Variants in R3HDM2 observed in about 807,000 individuals in gnomAD.
R3HDM2 encodes the protein R3H domain containing 2, also known as R3H domain-containing protein 2.
Under a neutral mutation model 124.5 loss-of-function variants are expected in R3HDM2, and 38 were observed. The observed-to-expected ratio is 0.31, with a 90% CI of 0.24 to 0.40. The LOEUF (loss-of-function observed/expected upper bound fraction) is 0.40. Ranked by LOEUF, R3HDM2 falls within the 10% of genes least tolerant of loss-of-function variation. The pLI is 1.00. For synonymous variants in R3HDM2, 391 were observed against 448.0 expected (o/e 0.87, Z 1.61); for missense variants, 869 against 1,236.9 (o/e 0.70, Z 4.46).
chr12:57,262,989 G>A (rs1172327624), intron 19 of R3HDM2, among the ~76,000 whole-genome samples: 1 of 152,164 alleles, frequency 6.6e-6, no homozygotes, highest in Non-Finnish European at 1.5e-5. Context: ...TTCTTTTGAC[G>A]TGGGAAGCCT....
At chr12:57,402,512 T>C (rs1815847644) in intron 1 of R3HDM2, among the ~76,000 whole-genome samples, 1 of 152,082 alleles carries the variant, frequency 6.6e-6, no homozygotes, top group Admixed American at 6.5e-5. Flanking sequence ...AATTTTTATA[T>C]TTTTAGTAGA....
rs575125872 is a variant in R3HDM2, at chr12:57,305,045, C to T, written c.166-1828G>A. 2.4e-3 allele frequency among the ~76,000 whole-genome samples: 362 copies of T among 152,094 alleles called. 1 individual carries two copies. Among genetic ancestry groups the T allele is most frequent in the African/African-American group, 8.2e-3 (342 of 41,458 alleles). On this transcript the variant is annotated intron_variant, in intron 3 of 23. Transcript: ENST00000402412. Reference sequence around the variant, plus strand: ...CTAAAAAATACCAAAATTAGCCAGGCGTGGTGGTGGGCACCTGTAATCCCA... The same window carrying T: ...CTAAAAAATACCAAAATTAGCCAGGTGTGGTGGTGGGCACCTGTAATCCCA...
At chr12:57,428,943 C>T (rs978395711) in intron 1 of R3HDM2, among the ~76,000 whole-genome samples, 3 of 151,990 alleles carry the variant, frequency 2.0e-5, no homozygotes, top group Non-Finnish European at 4.4e-5. Context: ...GACGGGGTTC[C>T]ACCATGTTGG....
At chr12:57,299,026 A>T (rs779119600) in intron 6 of R3HDM2, among the ~76,000 whole-genome samples, 1 of 152,150 alleles carries the variant, frequency 6.6e-6, no homozygotes, top group Non-Finnish European at 1.5e-5. Context: ...CCCAAACCAA[A>T]ATATAAATGG....
chr12:57,410,338 A>AC (rs1566505848), intron 1 of R3HDM2, among the ~76,000 whole-genome samples: 2 of 151,710 alleles, frequency 1.3e-5, no homozygotes, highest in African/African-American at 4.8e-5. Context: ...AAAAAAAAAA[A>AC]AAAACTTCAC....
At chr12:57,430,314 G>A (rs77287500) in intron 1 of R3HDM2, among the ~76,000 whole-genome samples, 1 of 152,066 alleles carries the variant, frequency 6.6e-6, no homozygotes, top group African/African-American at 2.4e-5. Context: ...TAAGAAACCT[G>A]GACACCAGCA....
At chr12:57,393,889 T>G (rs1220599184) in intron 2 of R3HDM2, among the ~76,000 whole-genome samples, 3 of 152,306 alleles carry the variant, frequency 2.0e-5, no homozygotes, top group African/African-American at 7.2e-5. Context: ...TAAAATAATG[T>G]AAACCAAACA....
At chr12:57,403,343 T>G (rs2068218652) in intron 1 of R3HDM2, among the ~76,000 whole-genome samples, 1 of 151,268 alleles carries the variant, frequency 6.6e-6, no homozygotes, top group African/African-American at 2.4e-5. Flanking sequence ...AATACAAAAA[T>G]TAGCTGGGCG....
rs1410195681 is a variant in R3HDM2, at chr12:57,283,989, A to G, written c.1006T>C (p.Ser336Pro). ...CTGCTCCAAGGGCGTGGCTCCAGGG[A>G]TTTGAGTTCGCTGTCTGTGCTGCTC... Reference protein sequence around the residue: ...RQSSTDSELKSLEPRPWSSTD... With the variant: ...RQSSTDSELKPLEPRPWSSTD... Residue 336 changes from serine (S) to proline (P), a missense_variant, in exon 13 of 24, where the codon TCC becomes CCC. Physicochemically the swap from Ser to Pro is moderately conservative, Grantham distance 74 (BLOSUM62 -1). Coordinates refer to ENST00000402412, the MANE Select transcript of R3HDM2 (RefSeq NM_001394031.1). 2 of 1,613,928 alleles carry G rather than the reference A, an allele frequency of 1.2e-6. No individual in the cohort carries two copies. Among genetic ancestry groups the G allele is most frequent in the Admixed American group, 3.3e-5 (2 of 60,008 alleles).
chr12:57,388,577 G>A (rs2066215094), intron 2 of R3HDM2, among the ~76,000 whole-genome samples: 1 of 152,122 alleles, frequency 6.6e-6, no homozygotes, highest in African/African-American at 2.4e-5. Flanking sequence ...AGGTTGCAGT[G>A]AGCTAACTTG....
intron 2 of R3HDM2, among the ~76,000 whole-genome samples, chr12:57,349,379 C>CAAAAAAAAA (rs1161831845): frequency 2.8e-4 from 16 of 57,742 alleles, no homozygotes; most frequent in East Asian, 1.4e-3. Context: ...ACTCCGTCTC[C>CAAAAAAAAA]AAAAAAAAAA....
chr12:57,287,979 T>G (rs1353319277), intron 12 of R3HDM2, among the ~76,000 whole-genome samples: 1 of 151,718 alleles, frequency 6.6e-6, no homozygotes, highest in Admixed American at 6.6e-5. Context: ...AAGGACACAC[T>G]TTAAGTCCAT....
intron 14 of R3HDM2, among the ~76,000 whole-genome samples, chr12:57,273,959 AGTTGCTGCT>A (rs1362066085): frequency 2.0e-5 from 3 of 152,206 alleles, no homozygotes; most frequent in Non-Finnish European, 4.4e-5. Context: ...GACCTGGAAG[AGTTGCTGCT>A]GTAGCCTTGA....
chr12:57,266,301 G>T (rs1393050954), intron 19 of R3HDM2, among the ~76,000 whole-genome samples: 1 of 147,708 alleles, frequency 6.8e-6, no homozygotes, highest in Non-Finnish European at 1.5e-5. Flanking sequence ...TTACCATGTT[G>T]GCCAGGCTGG....
intron 3 of R3HDM2, among the ~76,000 whole-genome samples, chr12:57,307,624 CTCTT>C (rs1221986369): frequency 6.8e-4 from 84 of 122,766 alleles, no homozygotes; most frequent in Admixed American, 2.0e-3. Context: ...CCCAGCCATG[CTCTT>C]TTTTTTTTTT....
At position 57,387,986 on chromosome 12, in the gene R3HDM2, CAA is replaced by C. The variant is rs1219410631; in HGVS notation, c.-36+7761_-36+7762del. 5.4e-5 allele frequency among the ~76,000 whole-genome samples: 8 copies of C among 147,510 alleles called. No individual in the cohort carries two copies. In the East Asian group the frequency reaches 1.6e-3, roughly 29 times the overall value. ...AAAAAATTTTTTTTTTTTAAAAAGA[CAA>C]AGTCTTGCTCTTGTCCCCCAGGTGG... On this transcript the variant is annotated intron_variant, in intron 2 of 23. Transcript: ENST00000402412.
At chr12:57,399,709 C>A (rs888419154) in intron 1 of R3HDM2, among the ~76,000 whole-genome samples, 1 of 152,170 alleles carries the variant, frequency 6.6e-6, no homozygotes, top group Non-Finnish European at 1.5e-5. Context: ...CTTGGGCACA[C>A]CAAAATGGCT....
rs1408235042 is a variant in R3HDM2, at chr12:57,288,707, T to C, written c.938+302A>G. 1.3e-5 allele frequency: 9 copies of C among 680,082 alleles called. No homozygotes were observed. The East Asian group carries it at 1.4e-4, about 10-fold the overall frequency. The allele number at this position is 680,082 out of a possible 1,614,324, so 42.1% of individuals were successfully genotyped here. ...ATTGACCAGGAGCCATTTTTTTAAATGGGGAAAAATATCCAATGTTGCAAA... is the reference window on the plus strand; with the variant it reads ...ATTGACCAGGAGCCATTTTTTTAAACGGGGAAAAATATCCAATGTTGCAAA... On this transcript the variant is annotated intron_variant, in intron 12 of 23. Transcript: ENST00000402412.
intron 12 of R3HDM2, chr12:57,288,709 G>A (rs1357670614): frequency 2.9e-6 from 2 of 681,978 alleles, no homozygotes; most frequent in East Asian, 5.5e-5. Flanking sequence ...TTTTTAAATG[G>A]GGAAAAATAT....
Sources: gnomAD v4.1 joint callset for allele counts (sites outside exome capture counted in the v4.1 genomes callset) on GRCh38, gnomAD v4.1.1 for gene constraint, MANE v1.5 for transcripts, NCBI Gene and HGNC (gene_info 2026-07-23, HGNC 2026-07-21) for gene names.